The following MAPT variants were observed in gnomAD, a reference collection of about 807,000 sequenced individuals.
MAPT encodes microtubule-associated protein tau.
A neutral mutation model predicts 67.9 loss-of-function variants in MAPT; 34 were observed. That is an observed-to-expected ratio of 0.50 (90% CI 0.38 to 0.67). The LOEUF is 0.67. Ranked by LOEUF, MAPT falls within the 30% of genes least tolerant of loss-of-function variation. The pLI is 0.00. For synonymous variants in MAPT, 456 were observed against 464.5 expected (o/e 0.98, Z 0.23); for missense variants, 881 against 1,115.2 (o/e 0.79, Z 2.99).
At position 46,000,155 on chromosome 17, in the gene MAPT, T is replaced by TG. The variant is rs1470013906; in HGVS notation, c.1998+3492dup. ...AATCCCTCAACCGTGCCGGAACAGATGCTAACACCAAAGGGAAAAGAGCAG... is the reference window on the plus strand; with the variant it reads ...AATCCCTCAACCGTGCCGGAACAGATGGCTAACACCAAAGGGAAAAGAGCAG... On this transcript the variant is annotated intron_variant, in intron 9 of 12. Coordinates refer to ENST00000262410, the MANE Select transcript of MAPT (RefSeq NM_001377265.1). 5.3e-5 allele frequency among the ~76,000 whole-genome samples: 8 copies of TG among 152,292 alleles called. No homozygotes were observed. The East Asian group carries it at 1.4e-3, about 26-fold the overall frequency.
chr17:45,992,979 C>T (rs961346126), intron 8 of MAPT, among the ~76,000 whole-genome samples: 9 of 152,192 alleles, frequency 5.9e-5, no homozygotes, highest in Admixed American at 5.2e-4. Flanking sequence ...TCCATTGCCC[C>T]AGTGAAGTAT....
At chr17:45,921,504 C>G (rs547281855) in intron 1 of MAPT, among the ~76,000 whole-genome samples, 1 of 152,298 alleles carries the variant, frequency 6.6e-6, no homozygotes, top group South Asian at 2.1e-4. Context: ...CCTCTGATTA[C>G]CCAGCCTGGA....
intron 1 of MAPT, chr17:45,931,674 A>G (rs1261300826): frequency 1.3e-5 from 2 of 152,260 alleles, no homozygotes; most frequent in African/African-American, 4.8e-5. Flanking sequence ...ATTTCCACTT[A>G]AAATGGTATT....
intron 3 of MAPT, 160 bp downstream of exon 3, chr17:45,972,105 G>A (rs2071752707): frequency 4.2e-6 from 3 of 710,262 alleles, no homozygotes; most frequent in African/African-American, 3.5e-5. Context: ...GCCTTGCGTC[G>A]ATGCCTTGCT....
intron 2 of MAPT, among the ~76,000 whole-genome samples, chr17:45,968,836 C>T (rs62063296): frequency 0.14 from 22,037 of 152,262 alleles, 2,147 homozygotes; most frequent in Non-Finnish European, 0.22. Context: ...TTATTGGGGA[C>T]GTCTCATCTG....
chr17:46,016,945 T>C lies in MAPT; in HGVS notation c.2174-1673T>C, dbSNP rs536940617. ...CCATATCGGACGACACAGCTATAGATTCTGTCACCCCACCCCGAGAGTCCA... is the reference window on the plus strand; with the variant it reads ...CCATATCGGACGACACAGCTATAGACTCTGTCACCCCACCCCGAGAGTCCA... On this transcript the variant is annotated intron_variant, in intron 11 of 12. Transcript: ENST00000262410. 3.3e-5 allele frequency among the ~76,000 whole-genome samples: 5 copies of C among 152,300 alleles called. No individual in the cohort carries two copies. In the South Asian group the frequency reaches 1.0e-3, roughly 32 times the overall value.
chr17:45,922,668 C>A (rs1433910857), intron 1 of MAPT, among the ~76,000 whole-genome samples: 1 of 152,156 alleles, frequency 6.6e-6, no homozygotes. Flanking sequence ...CATTGGTTGT[C>A]TTCTGTCATG....
intron 5 of MAPT, chr17:45,985,530 A>G: frequency 4.3e-6 from 1 of 231,224 alleles, no homozygotes; most frequent in Non-Finnish European, 7.1e-6. Context: ...AGACTAAAGT[A>G]AGTTAAACAG....
At chr17:46,006,724 C>A (rs2075448878) in intron 9 of MAPT, among the ~76,000 whole-genome samples, 3 of 151,794 alleles carry the variant, frequency 2.0e-5, no homozygotes, top group Admixed American at 2.0e-4. Context: ...ACCATCCTAG[C>A]TAACATGGTG....
intron 2 of MAPT, among the ~76,000 whole-genome samples, chr17:45,968,562 G>A (rs1235470197): frequency 6.6e-6 from 1 of 152,190 alleles, no homozygotes; most frequent in Non-Finnish European, 1.5e-5. Context: ...CAGACTAAAA[G>A]TCCCCATGTG....
In MAPT at chr17:45,915,096, AG is replaced by A. The variant is rs2065087941; in HGVS notation, c.-18+20413del. Among the ~76,000 whole-genome samples the A allele has an allele frequency of 6.6e-6, 1 of 152,198 alleles. No homozygotes were observed. The highest frequency in any genetic ancestry group is 2.1e-4 in the South Asian group (1 of 4,832). ...GGAAAGGATGAAAATATCCGGAAGAAGGGTTCTTTTAAAAGGCTCCTCAAGT... is the reference window on the plus strand; with the variant it reads ...GGAAAGGATGAAAATATCCGGAAGAAGGTTCTTTTAAAAGGCTCCTCAAGT... On this transcript the variant is annotated intron_variant, in intron 1 of 12. Coordinates refer to ENST00000262410, the MANE Select transcript of MAPT (RefSeq NM_001377265.1). This position sits in a 1 kb window ranked among gnomAD's most constrained non-coding sequence, Gnocchi z 4.4.
At chr17:46,011,860 T>C (rs1284662830) in intron 10 of MAPT, among the ~76,000 whole-genome samples, 2 of 152,200 alleles carry the variant, frequency 1.3e-5, no homozygotes, top group Admixed American at 1.3e-4. Context: ...GCTTCTGCCC[T>C]GAGGCCCCTT....
At chr17:45,993,175 C>T (rs1248793780) in intron 8 of MAPT, among the ~76,000 whole-genome samples, 2 of 152,234 alleles carry the variant, frequency 1.3e-5, no homozygotes, top group African/African-American at 4.8e-5. Context: ...CCACCACCTG[C>T]TGCGTGTCTT....
Position 45,983,758 on chromosome 17 carries a change from G to T in MAPT, c.1179G>T (p.Ser393=), listed in dbSNP as rs139144750. 8.6e-5 allele frequency: 138 copies of T among 1,613,990 alleles called. 1 individual carries two copies. Among genetic ancestry groups the T allele is most frequent in the South Asian group, 5.4e-4 (49 of 91,090 alleles). ...TPNVQKEQAH[S]EEHLGRAAFP... is the part of the protein sequence containing the mutation. ...ACGTGCAGAAGGAGCAGGCGCACTC[G>T]GAGGAGCATTTGGGAAGGGCTGCAT... The change falls in exon 5 of 13, where the codon TCG becomes TCT. Residue 393 remains serine, a synonymous_variant. Transcript: ENST00000262410.
At chr17:45,993,634 G>A (rs113001552) in intron 8 of MAPT, among the ~76,000 whole-genome samples, 16 of 152,262 alleles carry the variant, frequency 1.1e-4, no homozygotes, top group African/African-American at 3.6e-4. Context: ...GCCTAGTCTC[G>A]AACTCCTGAC....
At chr17:45,993,725 TGA>T (rs2074254033) in intron 8 of MAPT, among the ~76,000 whole-genome samples, 1 of 152,170 alleles carries the variant, frequency 6.6e-6, no homozygotes, top group African/African-American at 2.4e-5. Flanking sequence ...TGAAACAACG[TGA>T]TGCATTTCCC....
rs553337887 is a variant in MAPT, at chr17:45,971,996, G to A, written c.220+51G>A. The A allele has an allele frequency of 3.9e-5, 56 of 1,428,230 alleles. 2 individuals are homozygous for A. The highest frequency in any genetic ancestry group is 3.0e-4 in the East Asian group (13 of 43,846). The allele number at this position is 1,428,230 out of a possible 1,614,324, so 88.5% of individuals were successfully genotyped here. On this transcript the variant is annotated intron_variant, in intron 3 of 12. Transcript: ENST00000262410. This position sits in a 1 kb window ranked among gnomAD's most constrained non-coding sequence, Gnocchi z 4.3. The stretch of plus-strand genomic sequence containing the variant: ...CCATGCCTCCAGCCTGTGCTTAGCC[G>A]TGCTTTGAGCCTCCCTCCTGGCTGC...
chr17:45,978,568 G>C (rs1418400065), intron 4 of MAPT, 128 bp downstream of exon 4: 12 of 734,860 alleles, frequency 1.6e-5, no homozygotes, highest in Middle Eastern at 3.3e-4. Flanking sequence ...TAGGGAGTTG[G>C]TTCTTATCAA....
At chr17:45,958,447 C>T (rs779261756) in intron 1 of MAPT, among the ~76,000 whole-genome samples, 1 of 152,174 alleles carries the variant, frequency 6.6e-6, no homozygotes, top group South Asian at 2.1e-4. Context: ...TGGGTCGGCG[C>T]GGCGGCTCAT....
Sources: gnomAD v4.1 joint callset for allele counts (sites outside exome capture counted in the v4.1 genomes callset) on GRCh38, gnomAD v4.1.1 for gene constraint, Gnocchi (gnomAD v3.1) non-coding constraint, MANE v1.5 for transcripts, NCBI Gene and HGNC (gene_info 2026-07-23, HGNC 2026-07-21) for gene names.